The following PTPN2 variants were observed in gnomAD, a reference collection of about 807,000 sequenced individuals.
PTPN2 encodes tyrosine-protein phosphatase non-receptor type 2.
A neutral mutation model predicts 57.3 loss-of-function variants in PTPN2; 19 were observed. The ratio of observed to expected loss-of-function variants is 0.33; its 90% CI spans 0.23 to 0.49. The LOEUF (loss-of-function observed/expected upper bound fraction) is 0.49. Among genes scored for constraint, PTPN2 ranks in the 20% least tolerant of loss-of-function variants. The pLI is 0.99. For missense variants in PTPN2, 358 were observed against 501.1 expected (o/e 0.71, Z 2.73); for synonymous variants, 153 against 164.9 (o/e 0.93, Z 0.55).
intron 3 of PTPN2, among the ~76,000 whole-genome samples, chr18:12,833,235 G>T (rs1291076205): frequency 6.6e-6 from 1 of 152,148 alleles, no homozygotes; most frequent in East Asian, 1.9e-4. Flanking sequence ...AAACTCAGAA[G>T]AAAAAGATGA....
chr18:12,854,360 G>GAAAAAAAA (rs11460042), intron 2 of PTPN2, among the ~76,000 whole-genome samples: 1 of 119,264 alleles, frequency 8.4e-6, no homozygotes. Context: ...ACCCTGTCTT[G>GAAAAAAAA]AAAAAAAAAA....
chr18:12,812,877 T>G (rs1250681470), intron 7 of PTPN2, among the ~76,000 whole-genome samples: 1 of 151,814 alleles, frequency 6.6e-6, no homozygotes. Context: ...ACCAGATAAA[T>G]TAACAGAAAA....
intron 2 of PTPN2, among the ~76,000 whole-genome samples, chr18:12,854,309 G>A (rs533598308): frequency 2.0e-5 from 3 of 146,932 alleles, no homozygotes; most frequent in East Asian, 2.0e-4. Context: ...GCAGTGAGCC[G>A]AGACGGTGCC....
At chr18:12,878,346 AG>A (rs1449908065) in intron 1 of PTPN2, among the ~76,000 whole-genome samples, 1 of 150,070 alleles carries the variant, frequency 6.7e-6, no homozygotes, top group African/African-American at 2.5e-5. Context: ...AGAAAAAAAA[AG>A]AAAGAAAAAG....
rs774011560 is a variant in PTPN2, at chr18:12,884,061, T to C, written c.69+12A>G. ...AGGAGGTCGGCGACTGCCGCGTGGG[T>C]CCGCGACTCACCAAGTACAGCGGCT... is the stretch of plus-strand genomic sequence containing the variant. On this transcript the variant is annotated intron_variant, in intron 1 of 8. Coordinates refer to ENST00000309660, the MANE Select transcript of PTPN2 (RefSeq NM_002828.4). 6.4e-7 allele frequency: 1 copy of C among 1,566,318 alleles called. No homozygotes were observed. Among genetic ancestry groups the C allele is most frequent in the South Asian group, 1.2e-5 (1 of 85,408 alleles).
At chr18:12,848,014 A>G (rs1598842648) in intron 2 of PTPN2, among the ~76,000 whole-genome samples, 1 of 152,274 alleles carries the variant, frequency 6.6e-6, no homozygotes, top group East Asian at 1.9e-4. Context: ...TGAGAAGGTA[A>G]AGCACTACAC....
chr18:12,848,457 C>T (rs542913963), intron 2 of PTPN2, among the ~76,000 whole-genome samples: 1 of 152,296 alleles, frequency 6.6e-6, no homozygotes, highest in South Asian at 2.1e-4. Context: ...ACTTCTCAAA[C>T]GGAATGTTGT....
chr18:12,829,600 C>T (rs1456242586), intron 4 of PTPN2, among the ~76,000 whole-genome samples: 1 of 151,118 alleles, frequency 6.6e-6, no homozygotes, highest in Non-Finnish European at 1.5e-5. Flanking sequence ...AGGAAAATAA[C>T]TGCAAAGGAG....
rs1333924715 is a variant in PTPN2 at position 12,792,595 on chromosome 18, T to G, written c.*1683A>C. 2 of 152,692 alleles carry G rather than the reference T, an allele frequency of 1.3e-5. No homozygotes were observed. The highest frequency in any genetic ancestry group is 1.9e-4 in the East Asian group (1 of 5,174). The allele number at this position is 152,692 out of a possible 1,614,324, so 9.5% of individuals were successfully genotyped here. On this transcript the variant is annotated 3_prime_UTR_variant, in exon 9 of 9. Coordinates refer to ENST00000309660, the MANE Select transcript of PTPN2 (RefSeq NM_002828.4). ...CACACCCGGCCCAAACTGTTTTTTT[T>G]GTTTGTTTCTTTTGAGATGGAGTCT... is the stretch of plus-strand genomic sequence containing the variant.
At chr18:12,787,532 A>G (rs2040872731), downstream of PTPN2, 1 of 152,262 alleles carries the variant, frequency 6.6e-6, no homozygotes, top group Admixed American at 6.5e-5. Context: ...ATTTTGTTAC[A>G]GATATACTTA....
chr18:12,807,586 A>AAAAAAAAAATAT, intron 7 of PTPN2, among the ~76,000 whole-genome samples: 6 of 35,200 alleles, frequency 1.7e-4, no homozygotes, highest in East Asian at 1.4e-3. Flanking sequence ...AAAAAAAAAA[A>AAAAAAAAAATAT]ATATATATAT....
chr18:12,823,326 A>C (rs1370096080), intron 5 of PTPN2, among the ~76,000 whole-genome samples: 1 of 152,176 alleles, frequency 6.6e-6, no homozygotes, highest in Non-Finnish European at 1.5e-5. Flanking sequence ...CAGAATCAAT[A>C]ATCTCTCTTT....
intron 5 of PTPN2, among the ~76,000 whole-genome samples, chr18:12,820,216 T>C (rs936681758): frequency 2.0e-5 from 3 of 152,192 alleles, no homozygotes; most frequent in African/African-American, 4.8e-5. Context: ...TTGTATAATA[T>C]AGTCTTCCCC....
chr18:12,872,577 C>G (rs773229247), intron 1 of PTPN2, among the ~76,000 whole-genome samples: 15 of 152,188 alleles, frequency 9.9e-5, no homozygotes, highest in Non-Finnish European at 1.6e-4. Flanking sequence ...GTGTAAGCCA[C>G]CAGCCCGGCC....
At position 12,794,420 on chromosome 18, in the gene PTPN2, T is replaced by C. The variant is rs2041087164; in HGVS notation, c.1106A>G (p.Lys369Arg). ...ATTAQKVQQM[K>R]QRLNENERKR... is the part of the protein sequence containing the mutation. Reference sequence around the variant, plus strand: ...TCGTTCATTCTCATTTAGCCTCTGTTTCATCTGCTGCACCTTCTGAGCTGT... The same window carrying C: ...TCGTTCATTCTCATTTAGCCTCTGTCTCATCTGCTGCACCTTCTGAGCTGT... The change falls in exon 9 of 9, where the codon AAA becomes AGA. Residue 369 changes from lysine (K) to arginine (R), a missense_variant. Around this residue, in one of 4 missense-constraint regions of PTPN2, gnomAD observed 96 missense variants for 110.8 expected, o/e 0.87. Transcript: ENST00000309660. 6.2e-7 allele frequency: 1 copy of C among 1,614,202 alleles called. No homozygotes were observed. Among genetic ancestry groups the C allele is most frequent in the African/African-American group, 1.3e-5 (1 of 75,052 alleles).
At chr18:12,853,722 TAGA>T (rs1659421493) in intron 2 of PTPN2, among the ~76,000 whole-genome samples, 1 of 152,320 alleles carries the variant, frequency 6.6e-6, no homozygotes, top group Non-Finnish European at 1.5e-5. Flanking sequence ...CCAGTCACGC[TAGA>T]AGAACTCCAA....
chr18:12,810,778 C>G (rs1456535986), intron 7 of PTPN2, among the ~76,000 whole-genome samples: 2 of 152,088 alleles, frequency 1.3e-5, no homozygotes, highest in Non-Finnish European at 2.9e-5. Flanking sequence ...AAATAGACCT[C>G]CGGGAAAGAG....
At chr18:12,874,119 C>T (rs1471124993) in intron 1 of PTPN2, among the ~76,000 whole-genome samples, 4 of 151,756 alleles carry the variant, frequency 2.6e-5, no homozygotes, top group Non-Finnish European at 5.9e-5. Flanking sequence ...AAGTGAGGAG[C>T]GTCTCCACCT....
chr18:12,800,591 T>C (rs2041381031), intron 8 of PTPN2, among the ~76,000 whole-genome samples: 2 of 152,260 alleles, frequency 1.3e-5, no homozygotes, highest in South Asian at 2.1e-4. Context: ...ATACATGTAT[T>C]ATATATTGGA....
Sources: allele counts gnomAD v4.1 joint callset (sites outside exome capture counted in the v4.1 genomes callset), GRCh38; gene constraint gnomAD v4.1.1; regional missense constraint gnomAD v4.1.1; transcripts MANE v1.5; gene names NCBI Gene and HGNC (gene_info 2026-07-23, HGNC 2026-07-21).